The following SSR1 variants were observed in gnomAD, a reference collection of about 807,000 sequenced individuals.
SSR1 encodes signal sequence receptor subunit 1, also known as translocon-associated protein subunit alpha.
SSR1 carries 13 observed loss-of-function variants against 36.1 expected under a neutral mutation model. The observed-to-expected ratio is 0.36, with a 90% CI of 0.23 to 0.57. The LOEUF (loss-of-function observed/expected upper bound fraction) is 0.57. SSR1 is among the 20% of genes least tolerant of loss of function. The probability of loss-of-function intolerance (pLI) is 0.81; values close to 1 mark genes in which losing one functional copy is unlikely to be tolerated. For synonymous variants in SSR1, 113 were observed against 118.9 expected (o/e 0.95, Z 0.32); for missense variants, 291 against 338.5 (o/e 0.86, Z 1.10).
At chr6:7,305,394 G>C (rs1758033321) in intron 2 of SSR1, among the ~76,000 whole-genome samples, 1 of 152,218 alleles carries the variant, frequency 6.6e-6, no homozygotes, top group Non-Finnish European at 1.5e-5. Context: ...GGTGACCTTA[G>C]CAATACTAGT....
chr6:7,284,541 G>C lies in SSR1; in HGVS notation c.*5323C>G, dbSNP rs897982282. The C allele has an allele frequency of 6.6e-6, 1 of 152,144 alleles. No homozygotes were observed. The highest frequency in any genetic ancestry group is 2.4e-5 in the African/African-American group (1 of 41,412). The allele number at this position is 152,144 out of a possible 1,614,324, so 9.4% of individuals were successfully genotyped here. ...CAGTATGGTGCTTTACAGCGAAAAT[G>C]AGAGCAGTCACTTAAGCGGCTTACT... On this transcript the variant is annotated 3_prime_UTR_variant, in exon 8 of 8. Transcript: ENST00000244763.
In SSR1 at chr6:7,303,712, C is replaced by T. The variant is rs141016859; in HGVS notation, c.193-75G>A. 937 of 1,215,078 alleles carry T rather than the reference C, an allele frequency of 7.7e-4. 5 individuals are homozygous for T. In the African/African-American group the frequency reaches 0.011, roughly 14 times the overall value. The allele number at this position is 1,215,078 out of a possible 1,614,324, so 75.3% of individuals were successfully genotyped here. The stretch of plus-strand genomic sequence containing the variant: ...CATTATTTAAAAATAAAGATTTGGC[C>T]GGGCACGGTGGCTCACACTTATAAT... On this transcript the variant is annotated intron_variant, in intron 2 of 7. Coordinates refer to ENST00000244763, the MANE Select transcript of SSR1 (RefSeq NM_003144.5).
In SSR1 at chr6:7,309,899, A is replaced by G. The variant is rs749518435; in HGVS notation, c.192+18T>C. On this transcript the variant is annotated intron_variant, in intron 2 of 7. Transcript: ENST00000244763. The stretch of plus-strand genomic sequence containing the variant: ...ATTACATACATTTTACATATATTAA[A>G]TAGTATGTAACACTAACCAAATCTG... 10 of 1,532,776 alleles carry G rather than the reference A, an allele frequency of 6.5e-6. No individual in the cohort carries two copies. Among genetic ancestry groups the G allele is most frequent in the Middle Eastern group, 1.7e-4 (1 of 5,922 alleles). 94.9% of individuals were successfully genotyped at this position (1,532,776 alleles called of 1,614,324 possible).
chr6:7,297,198 G>C (rs1757817941), intron 6 of SSR1: 1 of 124,798 alleles, frequency 8.0e-6, no homozygotes, highest in African/African-American at 4.1e-5. Flanking sequence ...CATCCTGGAT[G>C]AAAGAGCCAG....
At chr6:7,301,249 A>C in intron 4 of SSR1, 61 bp downstream of exon 4, 3 of 1,562,914 alleles carry the variant, frequency 1.9e-6, no homozygotes, top group Middle Eastern at 3.5e-4. Flanking sequence ...ATTCTATTAA[A>C]CAACGTCACC....
intron 2 of SSR1, among the ~76,000 whole-genome samples, chr6:7,307,377 C>T (rs1390280036): frequency 6.6e-6 from 1 of 152,226 alleles, no homozygotes; most frequent in Non-Finnish European, 1.5e-5. Context: ...GGTACTAACA[C>T]TTCTGTACTA....
intron 2 of SSR1, among the ~76,000 whole-genome samples, chr6:7,308,470 G>A (rs936236800): frequency 1.3e-5 from 2 of 152,130 alleles, no homozygotes; most frequent in African/African-American, 4.8e-5. Flanking sequence ...AATCATGAGA[G>A]GTTCCAGGTT....
intron 7 of SSR1, chr6:7,295,187 A>G: frequency 7.0e-7 from 1 of 1,419,374 alleles, no homozygotes; most frequent in Non-Finnish European, 9.4e-7. Context: ...CAGATCTGGA[A>G]GAATTTCCAA....
intron 2 of SSR1, among the ~76,000 whole-genome samples, chr6:7,309,602 C>A (rs553609232): frequency 6.6e-6 from 1 of 152,210 alleles, no homozygotes; most frequent in African/African-American, 2.4e-5. Context: ...AAATGAATCA[C>A]GGGGACGGTT....
In SSR1 at chr6:7,287,870, G is replaced by C. The variant is rs114773668; in HGVS notation, c.*1994C>G. Reference sequence around the variant, plus strand: ...TTCTGCTAAATACTTACTGATGCTAGAGCAGACCCCTGGCATCTGAGGATT... The same window carrying C: ...TTCTGCTAAATACTTACTGATGCTACAGCAGACCCCTGGCATCTGAGGATT... On this transcript the variant is annotated 3_prime_UTR_variant, in exon 8 of 8. Transcript: ENST00000244763. 76 of 152,538 alleles carry C rather than the reference G, an allele frequency of 5.0e-4. No homozygotes were observed. The highest frequency in any genetic ancestry group is 1.8e-3 in the African/African-American group (73 of 41,482). 9.4% of individuals were successfully genotyped at this position (152,538 alleles called of 1,614,324 possible).
At chr6:7,299,599 G>A (rs1375319586) in intron 4 of SSR1, among the ~76,000 whole-genome samples, 2 of 151,840 alleles carry the variant, frequency 1.3e-5, no homozygotes, top group Non-Finnish European at 2.9e-5. Context: ...TCAGGTGGCT[G>A]AGGCAGGAGA....
At chr6:7,311,256 CTAAG>C (rs1395289241) in intron 1 of SSR1, among the ~76,000 whole-genome samples, 1 of 152,096 alleles carries the variant, frequency 6.6e-6, no homozygotes, top group Non-Finnish European at 1.5e-5. Flanking sequence ...CAATAGTACT[CTAAG>C]TAAGTCACAT....
rs373680391 is a variant in SSR1 at position 7,298,847 on chromosome 6, A to G, written c.544-24T>C. On this transcript the variant is annotated intron_variant, in intron 4 of 7. Coordinates refer to ENST00000244763, the MANE Select transcript of SSR1 (RefSeq NM_003144.5). ...CCCTGTTTAAGAAAATAAAATAATCAGAAAAATCTAAATGCAATAAAGGAA... is the reference window on the plus strand; with the variant it reads ...CCCTGTTTAAGAAAATAAAATAATCGGAAAAATCTAAATGCAATAAAGGAA... 7.6e-4 allele frequency: 1,195 copies of G among 1,581,278 alleles called. 1 individual carries two copies. Among genetic ancestry groups the G allele is most frequent in the Non-Finnish European group, 9.3e-4 (1,068 of 1,153,200 alleles).
At position 7,288,734 on chromosome 6, in the gene SSR1, A is replaced by G. The variant is rs1169388653; in HGVS notation, c.*1130T>C. The G allele has an allele frequency of 1.3e-5, 2 of 152,650 alleles. No homozygotes were observed. Among genetic ancestry groups the G allele is most frequent in the African/African-American group, 4.8e-5 (2 of 41,464 alleles). The allele number at this position is 152,650 out of a possible 1,614,324, so 9.5% of individuals were successfully genotyped here. A position where few individuals can be genotyped will look rare whatever the true frequency, so the allele number is the denominator to read the frequency against. ...AACTTAATTTACAATCTAGGGCAAG[A>G]GTAACTCTATAAGAGGATTTTATGA... On this transcript the variant is annotated 3_prime_UTR_variant, in exon 8 of 8. Coordinates refer to ENST00000244763, the MANE Select transcript of SSR1 (RefSeq NM_003144.5).
At chr6:7,290,356 G>A (rs1757655192) in intron 7 of SSR1, among the ~76,000 whole-genome samples, 1 of 152,166 alleles carries the variant, frequency 6.6e-6, no homozygotes, top group Non-Finnish European at 1.5e-5. Flanking sequence ...CAGAATAAAG[G>A]AAATCAGTAT....
chr6:7,307,786 A>T (rs1158026881), intron 2 of SSR1, among the ~76,000 whole-genome samples: 1 of 152,184 alleles, frequency 6.6e-6, no homozygotes, highest in Non-Finnish European at 1.5e-5. Flanking sequence ...CTGGCCTCCC[A>T]AAGTGCTGGG....
intron 2 of SSR1, among the ~76,000 whole-genome samples, chr6:7,306,863 C>A (rs573742607): frequency 7.7e-6 from 1 of 130,320 alleles, no homozygotes; most frequent in Non-Finnish European, 1.6e-5. Context: ...TTGCAGTGAG[C>A]GGAGATCCAC....
chr6:7,310,131 AG>A, intron 1 of SSR1, 102 bp from the exon 2 acceptor site: 1 of 729,430 alleles, frequency 1.4e-6, no homozygotes, highest in South Asian at 1.7e-5. Context: ...TTGGACTAAC[AG>A]AATCTCCCAG....
chr6:7,312,353 CAAG>C (rs1009572666), intron 1 of SSR1, among the ~76,000 whole-genome samples: 1 of 151,872 alleles, frequency 6.6e-6, no homozygotes, highest in Non-Finnish European at 1.5e-5. Flanking sequence ...CATGGAAAGA[CAAG>C]AAGAGGAAGA....
Sources: gnomAD v4.1 joint callset for allele counts (sites outside exome capture counted in the v4.1 genomes callset) on GRCh38, gnomAD v4.1.1 for gene constraint, MANE v1.5 for transcripts, NCBI Gene and HGNC (gene_info 2026-07-23, HGNC 2026-07-21) for gene names.